QTMAN: variants seen among roughly 807,000 people sequenced by gnomAD.
The protein encoded by QTMAN is tRNA-queuosine alpha-mannosyltransferase.
the QTMAN span, among the ~76,000 whole-genome samples, chr2:144,245,499 G>C: frequency 6.6e-6 from 1 of 152,106 alleles, no homozygotes; most frequent in African/African-American, 2.4e-5. Context: ...TAAAATCAAA[G>C]TTAACATTTT....
At chr2:144,298,022 A>AT in the QTMAN span, among the ~76,000 whole-genome samples, 5,331 of 144,046 alleles carry the variant, frequency 0.037, 137 homozygotes, top group Non-Finnish European at 0.056. Context: ...GAATATTTTA[A>AT]TTTTTTTTTT....
chr2:144,025,914 T>C, the QTMAN span, among the ~76,000 whole-genome samples: 3 of 152,332 alleles, frequency 2.0e-5, no homozygotes, highest in South Asian at 2.1e-4. Flanking sequence ...TTGGACTTTA[T>C]AGGGTATAAT....
chr2:144,011,753 G>A, the QTMAN span: 1 of 984,576 alleles, frequency 1.0e-6, no homozygotes, highest in East Asian at 1.1e-4. Flanking sequence ...ACGTGACTAT[G>A]CAAATAGGCA....
the QTMAN span, among the ~76,000 whole-genome samples, chr2:144,210,127 C>T: frequency 6.6e-6 from 1 of 151,874 alleles, no homozygotes; most frequent in Non-Finnish European, 1.5e-5. Flanking sequence ...CAGTGGTCGT[C>T]CTCAGATGGA....
chr2:144,137,072 C>G, the QTMAN span, among the ~76,000 whole-genome samples: 5 of 152,104 alleles, frequency 3.3e-5, no homozygotes, highest in Non-Finnish European at 7.4e-5. Context: ...AAGGATATTA[C>G]AACTGCACAA....
the QTMAN span, among the ~76,000 whole-genome samples, chr2:144,086,659 G>A: frequency 6.6e-6 from 1 of 152,086 alleles, no homozygotes; most frequent in Non-Finnish European, 1.5e-5. Flanking sequence ...CTACTACGAG[G>A]CTCATTTTGA....
At chr2:144,186,446 T>G in the QTMAN span, among the ~76,000 whole-genome samples, 2 of 152,222 alleles carry the variant, frequency 1.3e-5, no homozygotes, top group African/African-American at 4.8e-5. Context: ...GAAATAAATA[T>G]GCAAACTAAT....
the QTMAN span, among the ~76,000 whole-genome samples, chr2:144,010,283 C>G: frequency 1.3e-5 from 2 of 151,988 alleles, no homozygotes; most frequent in Non-Finnish European, 2.9e-5. Flanking sequence ...GGGTGTGAGG[C>G]CTACTTTTAT....
At chr2:144,242,377 T>C in the QTMAN span, among the ~76,000 whole-genome samples, 1 of 152,122 alleles carries the variant, frequency 6.6e-6, no homozygotes, top group African/African-American at 2.4e-5. Flanking sequence ...CACTCTTTAC[T>C]GTTTCCATGG....
the QTMAN span, among the ~76,000 whole-genome samples, chr2:144,105,889 G>A: frequency 2.6e-5 from 4 of 152,214 alleles, no homozygotes; most frequent in Admixed American, 2.0e-4. Context: ...AAGCCCATTA[G>A]ACTAACAGTG....
chr2:144,075,772 G>A, the QTMAN span, among the ~76,000 whole-genome samples: 1 of 152,186 alleles, frequency 6.6e-6, no homozygotes, highest in African/African-American at 2.4e-5. Context: ...AGACAGTACT[G>A]TTTTCGGCAA....
At chr2:144,303,454 T>C in the QTMAN span, among the ~76,000 whole-genome samples, 1 of 152,014 alleles carries the variant, frequency 6.6e-6, no homozygotes, top group African/African-American at 2.4e-5. Context: ...GACAAAATAC[T>C]GGAGGAGGAA....
At chr2:143,987,428 T>C in the QTMAN span, among the ~76,000 whole-genome samples, 1 of 152,232 alleles carries the variant, frequency 6.6e-6, no homozygotes, top group South Asian at 2.1e-4. Flanking sequence ...GGAAGTAACA[T>C]GTCTAATGGA....
chr2:144,015,819 C>A, the QTMAN span, among the ~76,000 whole-genome samples: 1 of 152,192 alleles, frequency 6.6e-6, no homozygotes, highest in Non-Finnish European at 1.5e-5. Context: ...GGTACAGAGA[C>A]TGTACTGGCA....
chr2:144,030,387 C>T, the QTMAN span, among the ~76,000 whole-genome samples: 1 of 152,154 alleles, frequency 6.6e-6, no homozygotes, highest in Admixed American at 6.5e-5. Flanking sequence ...TCTACCTTCC[C>T]TAAGACACTT....
At chr2:144,120,466 T>C in the QTMAN span, among the ~76,000 whole-genome samples, 2 of 152,312 alleles carry the variant, frequency 1.3e-5, no homozygotes, top group South Asian at 4.1e-4. Context: ...TCCTCATCTT[T>C]GTAAGATAAC....
chr2:144,234,835 G>C, the QTMAN span, among the ~76,000 whole-genome samples: 1 of 152,120 alleles, frequency 6.6e-6, no homozygotes, highest in East Asian at 1.9e-4. Flanking sequence ...AAAGGCAGTG[G>C]GGGAGTGAGA....
the QTMAN span, among the ~76,000 whole-genome samples, chr2:143,999,169 T>C: frequency 1.3e-5 from 2 of 151,912 alleles, no homozygotes; most frequent in African/African-American, 4.8e-5. Flanking sequence ...AAACATGAAA[T>C]GAGTAGGGCT....
the QTMAN span, among the ~76,000 whole-genome samples, chr2:144,294,649 T>G: frequency 6.6e-6 from 1 of 152,026 alleles, no homozygotes; most frequent in African/African-American, 2.4e-5. Flanking sequence ...TTGTTTAACA[T>G]TGGGTGAAAA....
Sources: allele counts gnomAD v4.1 joint callset (sites outside exome capture counted in the v4.1 genomes callset), GRCh38; gene constraint gnomAD v4.1.1; transcripts MANE v1.5; gene names NCBI Gene and HGNC (gene_info 2026-07-23, HGNC 2026-07-21).